Variants in NKX6-2 observed in about 807,000 individuals in gnomAD.
NKX6-2 encodes NK6 homeobox 2, also known as homeobox protein Nkx-6.2.
NKX6-2 carries 22 observed loss-of-function variants against 19.9 expected under a neutral mutation model. The observed-to-expected ratio is 1.10, with a 90% CI of 0.79 to 1.58. NKX6-2 has a LOEUF of 1.58. NKX6-2 is among the 40% of genes most tolerant of loss of function. The pLI, the probability that NKX6-2 is intolerant of heterozygous loss-of-function variation, is 0.00. For synonymous variants in NKX6-2, 257 were observed against 204.0 expected (o/e 1.26, Z -2.21); for missense variants, 475 against 410.6 (o/e 1.16, Z -1.35).
rs1385501855 is a variant in NKX6-2, at chr10:132,785,592, G to A, written c.357C>T (p.Pro119=). 2.4e-6 allele frequency: 3 copies of A among 1,257,498 alleles called. No homozygotes were observed. The highest frequency in any genetic ancestry group is 3.0e-6 in the Non-Finnish European group (3 of 1,005,622). 77.9% of individuals were successfully genotyped at this position (1,257,498 alleles called of 1,614,324 possible). A position where few individuals can be genotyped will look rare whatever the true frequency, so the allele number is the denominator to read the frequency against. ...TCCAGGGCGCGCCCTGCACCACGCC[G>A]GGCCAGAAGATGGGCGGGCGCCCCG... The part of the protein sequence containing the change: ...ELPGRPPIFW[P]GVVQGAPWRD... Residue 119 remains proline (P), a synonymous_variant, in exon 1 of 3, where the codon CCC becomes CCT. Transcript: ENST00000368592. This position sits in a 1 kb window ranked among gnomAD's most constrained non-coding sequence, Gnocchi z 5.5.
rs923316471 is a variant in NKX6-2 at position 132,784,767 on chromosome 10, A to G, written c.*149T>C. 9.0e-6 allele frequency: 6 copies of G among 664,784 alleles called. No homozygotes were observed. The highest frequency in any genetic ancestry group is 5.7e-5 in the East Asian group (2 of 35,144). The allele number at this position is 664,784 out of a possible 1,614,324, so 41.2% of individuals were successfully genotyped here. A position where few individuals can be genotyped will look rare whatever the true frequency, so the allele number is the denominator to read the frequency against. On this transcript the variant is annotated 3_prime_UTR_variant, in exon 3 of 3. Coordinates refer to ENST00000368592, the MANE Select transcript of NKX6-2 (RefSeq NM_177400.3). ...GAGGGGCCGCCTCGCTCCGGGTTCGAGACGGAAGAAACACGCGGCGCAGGC... is the reference window on the plus strand; with the variant it reads ...GAGGGGCCGCCTCGCTCCGGGTTCGGGACGGAAGAAACACGCGGCGCAGGC...
rs1162649778 is a variant in NKX6-2, at chr10:132,783,242, C to T, written c.*1674G>A. 6.6e-6 allele frequency: 1 copy of T among 152,128 alleles called. No homozygotes were observed. The highest frequency in any genetic ancestry group is 2.4e-5 in the African/African-American group (1 of 41,352). 9.4% of individuals were successfully genotyped at this position (152,128 alleles called of 1,614,324 possible). On this transcript the variant is annotated 3_prime_UTR_variant, in exon 3 of 3. Transcript: ENST00000368592. Reference sequence around the variant, plus strand: ...TTTAGAACACTACAGAGTTCCTGGACCGGGTGAAGGCATTAGCTGGGTGTT... The same window carrying T: ...TTTAGAACACTACAGAGTTCCTGGATCGGGTGAAGGCATTAGCTGGGTGTT...
At position 132,785,627 on chromosome 10, in the gene NKX6-2, C is replaced by T. The variant is rs2134706880; in HGVS notation, c.322G>A (p.Ala108Thr). 2 of 1,248,888 alleles carry T rather than the reference C, an allele frequency of 1.6e-6. No individual in the cohort carries two copies. Among genetic ancestry groups the T allele is most frequent in the Middle Eastern group, 3.1e-4 (1 of 3,208 alleles). 77.4% of individuals were successfully genotyped at this position (1,248,888 alleles called of 1,614,324 possible). Residue 108 changes from alanine (A) to threonine (T), a missense_variant, in exon 1 of 3, where the codon GCC (alanine) becomes ACC (threonine). Transcript: ENST00000368592. The surrounding 1 kb of genome is among the most constrained non-coding windows in gnomAD (Gnocchi z 5.5). ...AVARGYPKPL[A>T]ELPGRPPIFW... Reference sequence around the variant, plus strand: ...ATGGGCGGGCGCCCCGGCAGCTCGGCCAGGGGCTTGGGGTAGCCGCGCGCC... The same window carrying T: ...ATGGGCGGGCGCCCCGGCAGCTCGGTCAGGGGCTTGGGGTAGCCGCGCGCC...
Position 132,785,912 on chromosome 10 carries a change from T to C in NKX6-2, c.37A>G (p.Ser13Gly), listed in dbSNP as rs749924638. The C allele has an allele frequency of 7.4e-7, 1 of 1,349,176 alleles. No homozygotes were observed. The highest frequency in any genetic ancestry group is 9.8e-7 in the Non-Finnish European group (1 of 1,022,148). 83.6% of individuals were successfully genotyped at this position (1,349,176 alleles called of 1,614,324 possible). ...TNRPGAFVLS[S>G]APLAALHNMA... ...TTGTGCAGCGCGGCCAGCGGGGCAC[T>C]GCTCAGCACGAACGCGCCCGGGCGG... Residue 13 changes from serine to glycine, a missense_variant, in exon 1 of 3, where the codon AGT (serine) becomes GGT (glycine). Coordinates refer to ENST00000368592, the MANE Select transcript of NKX6-2 (RefSeq NM_177400.3). This position sits in a 1 kb window ranked among gnomAD's most constrained non-coding sequence, Gnocchi z 5.5.
At position 132,785,028 on chromosome 10, in the gene NKX6-2, G is replaced by C. The variant is rs781138890; in HGVS notation, c.722C>G (p.Pro241Arg). Reference protein sequence around the residue: ...DAEDDDEYNRPLDPNSDDEKI... With the variant: ...DAEDDDEYNRRLDPNSDDEKI... ...CTCGTCGTCCGAGTTGGGGTCCAGG[G>C]GCCGGTTGTATTCGTCGTCGTCCTC... Residue 241 changes from proline to arginine, a missense_variant, in exon 3 of 3, where the codon CCC becomes CGC. By Grantham distance (103) the Pro-to-Arg change is moderately radical (BLOSUM62 -2). Transcript: ENST00000368592. This position sits in a 1 kb window ranked among gnomAD's most constrained non-coding sequence, Gnocchi z 5.5. 9 of 1,609,888 alleles carry C rather than the reference G, an allele frequency of 5.6e-6. No homozygotes were observed. In the African/African-American group the frequency reaches 9.4e-5, roughly 17 times the overall value.
Position 132,785,936 on chromosome 10 carries a change from G to C in NKX6-2, c.13C>G (p.Arg5Gly). 7.9e-7 allele frequency: 1 copy of C among 1,262,196 alleles called. No individual in the cohort carries two copies. The allele number at this position is 1,262,196 out of a possible 1,614,324, so 78.2% of individuals were successfully genotyped here. Residue 5 changes from arginine to glycine, a missense_variant, in exon 1 of 3, where the codon CGC becomes GGC. Coordinates refer to ENST00000368592, the MANE Select transcript of NKX6-2 (RefSeq NM_177400.3). This position sits in a 1 kb window ranked among gnomAD's most constrained non-coding sequence, Gnocchi z 5.5. The stretch of plus-strand genomic sequence containing the variant: ...CTGCTCAGCACGAACGCGCCCGGGC[G>C]GTTAGTGTCCATGGGCGCCGCCGCC... MDTN[R>G]PGAFVLSSAP...
In NKX6-2 at chr10:132,783,870, C is replaced by T. The variant is rs371341077; in HGVS notation, c.*1046G>A. The T allele has an allele frequency of 6.6e-6, 1 of 152,264 alleles. No homozygotes were observed. Among genetic ancestry groups the T allele is most frequent in the Non-Finnish European group, 1.5e-5 (1 of 68,042 alleles). 9.4% of individuals were successfully genotyped at this position (152,264 alleles called of 1,614,324 possible). On this transcript the variant is annotated 3_prime_UTR_variant, in exon 3 of 3. Coordinates refer to ENST00000368592, the MANE Select transcript of NKX6-2 (RefSeq NM_177400.3). ...AAAACAAAACGCGCCGAGTTTAAGC[C>T]CTTTCTATTTCCCTTTAACGCTTCC...
Position 132,785,571 on chromosome 10 carries a change from G to A in NKX6-2, c.378C>T (p.Pro126=). The change falls in exon 1 of 3, where the codon CCC becomes CCT. Residue 126 remains proline, a synonymous_variant. Transcript: ENST00000368592. The surrounding 1 kb of genome is among the most constrained non-coding windows in gnomAD (Gnocchi z 5.5). ...IFWPGVVQGA[P]WRDPRLAGPA... ...GGCCAGCCAGACGCGGGTCCCTCCA[G>A]GGCGCGCCCTGCACCACGCCGGGCC... 7.5e-7 allele frequency: 1 copy of A among 1,324,904 alleles called. No individual in the cohort carries two copies. The highest frequency in any genetic ancestry group is 9.6e-7 in the Non-Finnish European group (1 of 1,043,778). 82.1% of individuals were successfully genotyped at this position (1,324,904 alleles called of 1,614,324 possible).
In NKX6-2 at chr10:132,785,488, G is replaced by C. The variant is rs1847252210; in HGVS notation, c.407-36C>G. On this transcript the variant is annotated intron_variant, in intron 1 of 2. Coordinates refer to ENST00000368592, the MANE Select transcript of NKX6-2 (RefSeq NM_177400.3). The surrounding 1 kb of genome is among the most constrained non-coding windows in gnomAD (Gnocchi z 5.5). ...GGGGAAGGGAGGGAGGTCAGCGGCC[G>C]GCGGGGTCCCCCTCCGCGCCCACCC... is the stretch of plus-strand genomic sequence containing the variant. 2.7e-6 allele frequency: 4 copies of C among 1,468,218 alleles called. No homozygotes were observed. The highest frequency in any genetic ancestry group is 3.6e-6 in the Non-Finnish European group (4 of 1,107,810). The allele number at this position is 1,468,218 out of a possible 1,614,324, so 90.9% of individuals were successfully genotyped here. A position where few individuals can be genotyped will look rare whatever the true frequency, so the allele number is the denominator to read the frequency against.
rs372634702 is a variant in NKX6-2, at chr10:132,785,188, G to A, written c.580-18C>T. The A allele has an allele frequency of 1.2e-6, 2 of 1,603,428 alleles. No homozygotes were observed. The highest frequency in any genetic ancestry group is 1.3e-5 in the African/African-American group (1 of 74,526). The stretch of plus-strand genomic sequence containing the variant: ...AACCAGACCTGGGAGTGGACGGGGC[G>A]GTCAGGCGGCCGCGGGGCCCGGGGC... On this transcript the variant is annotated intron_variant, in intron 2 of 2. Transcript: ENST00000368592. This position sits in a 1 kb window ranked among gnomAD's most constrained non-coding sequence, Gnocchi z 5.5.
In NKX6-2 at chr10:132,785,853, G is replaced by T; in HGVS notation, c.96C>A (p.Tyr32Ter). 7.2e-7 allele frequency: 1 copy of T among 1,388,842 alleles called. No individual in the cohort carries two copies. Among genetic ancestry groups the T allele is most frequent in the Non-Finnish European group, 9.5e-7 (1 of 1,056,514 alleles). The allele number at this position is 1,388,842 out of a possible 1,614,324, so 86.0% of individuals were successfully genotyped here. The change falls in exon 1 of 3, where the codon TAC (tyrosine) becomes TAA (stop). Residue 32 changes from tyrosine to a stop codon, truncating the protein, a stop_gained. Transcript: ENST00000368592. LOFTEE classifies it high-confidence loss of function. The surrounding 1 kb of genome is among the most constrained non-coding windows in gnomAD (Gnocchi z 5.5). Reference protein sequence around the residue: ...MAEMKTSLFPYALQGPAGFKA... With the variant: ...MAEMKTSLFP ...TGAAGCCGGCCGGACCCTGCAGCGC[G>T]TAGGGGAACAGCGACGTCTTCATCT...
Position 132,785,903 on chromosome 10 carries a change from G to C in NKX6-2, c.46C>G (p.Leu16Val), listed in dbSNP as rs769203805. ...PGAFVLSSAP[L>V]AALHNMAEMK... Reference sequence around the variant, plus strand: ...TCGGCCATGTTGTGCAGCGCGGCCAGCGGGGCACTGCTCAGCACGAACGCG... The same window carrying C: ...TCGGCCATGTTGTGCAGCGCGGCCACCGGGGCACTGCTCAGCACGAACGCG... The change falls in exon 1 of 3, where the codon CTG (leucine) becomes GTG (valine). Residue 16 changes from leucine (L) to valine (V), a missense_variant. Transcript: ENST00000368592. This position sits in a 1 kb window ranked among gnomAD's most constrained non-coding sequence, Gnocchi z 5.5. 1.5e-6 allele frequency: 2 copies of C among 1,376,092 alleles called. No homozygotes were observed. The highest frequency in any genetic ancestry group is 4.5e-5 in the Admixed American group (2 of 44,452). 85.2% of individuals were successfully genotyped at this position (1,376,092 alleles called of 1,614,324 possible).
rs1043703738 is a variant in NKX6-2, at chr10:132,783,684, G to A, written c.*1232C>T. On this transcript the variant is annotated 3_prime_UTR_variant, in exon 3 of 3. Transcript: ENST00000368592. ...CTTTTGGACTTTCTACTGTAATAAA[G>A]GATTTATCCCTCAACATTTTAAAAC... 3.9e-5 allele frequency: 6 copies of A among 152,158 alleles called. No homozygotes were observed. Among genetic ancestry groups the A allele is most frequent in the African/African-American group, 1.2e-4 (5 of 41,440 alleles). 9.4% of individuals were successfully genotyped at this position (152,158 alleles called of 1,614,324 possible).
rs1847202108 is a variant in NKX6-2, at chr10:132,783,386, T to G, written c.*1530A>C. On this transcript the variant is annotated 3_prime_UTR_variant, in exon 3 of 3. Transcript: ENST00000368592. ...CCGCTGTCCGCGGTTCAACACGGAG[T>G]CCGCCCCGCGGGTTTCAGCTGTTGG... 6.6e-6 allele frequency: 1 copy of G among 152,338 alleles called. No individual in the cohort carries two copies. Among genetic ancestry groups the G allele is most frequent in the Non-Finnish European group, 1.5e-5 (1 of 68,034 alleles). The allele number at this position is 152,338 out of a possible 1,614,324, so 9.4% of individuals were successfully genotyped here. A position where few individuals can be genotyped will look rare whatever the true frequency, so the allele number is the denominator to read the frequency against.
At position 132,784,832 on chromosome 10, in the gene NKX6-2, T is replaced by C. The variant is rs1396634137; in HGVS notation, c.*84A>G. On this transcript the variant is annotated 3_prime_UTR_variant, in exon 3 of 3. Transcript: ENST00000368592. Reference sequence around the variant, plus strand: ...TCCGACGGGGACCCGTTAAATAATTTATTGATGATACAAAGCGACTCGCGC... The same window carrying C: ...TCCGACGGGGACCCGTTAAATAATTCATTGATGATACAAAGCGACTCGCGC... 4.9e-6 allele frequency: 5 copies of C among 1,016,518 alleles called. No homozygotes were observed. Among genetic ancestry groups the C allele is most frequent in the South Asian group, 2.9e-5 (2 of 68,178 alleles). 63.0% of individuals were successfully genotyped at this position (1,016,518 alleles called of 1,614,324 possible). A position where few individuals can be genotyped will look rare whatever the true frequency, so the allele number is the denominator to read the frequency against.
At position 132,783,976 on chromosome 10, in the gene NKX6-2, C is replaced by G. The variant is rs1238345560; in HGVS notation, c.*940G>C. On this transcript the variant is annotated 3_prime_UTR_variant, in exon 3 of 3. Transcript: ENST00000368592. The stretch of plus-strand genomic sequence containing the variant: ...TTTAAAAATTAAAACTCAACAGCCA[C>G]GCCCATTAAGATGCAGCGATGGGCA... The G allele has an allele frequency of 2.0e-5, 3 of 152,272 alleles. No homozygotes were observed. The highest frequency in any genetic ancestry group is 2.1e-4 in the South Asian group (1 of 4,832). The allele number at this position is 152,272 out of a possible 1,614,324, so 9.4% of individuals were successfully genotyped here.
rs993329327 is a variant in NKX6-2, at chr10:132,783,598, T to A, written c.*1318A>T. 4 of 152,280 alleles carry A rather than the reference T, an allele frequency of 2.6e-5. No individual in the cohort carries two copies. Among genetic ancestry groups the A allele is most frequent in the South Asian group, 4.1e-4 (2 of 4,824 alleles). 9.4% of individuals were successfully genotyped at this position (152,280 alleles called of 1,614,324 possible). On this transcript the variant is annotated 3_prime_UTR_variant, in exon 3 of 3. Transcript: ENST00000368592. ...ATCAAGCTCATTAGAAATCCTGGAA[T>A]TTCACTGTATCACACGCTGTCACAA...
In NKX6-2 at chr10:132,784,537, CG is replaced by C. The variant is rs2134705171; in HGVS notation, c.*378del. Reference sequence around the variant, plus strand: ...CCCCCAAGCGCGTCCGAATCCGCCCCGAGGCGAGGCGGGCCGGGCCGTACCT... The same window carrying C: ...CCCCCAAGCGCGTCCGAATCCGCCCCAGGCGAGGCGGGCCGGGCCGTACCT... On this transcript the variant is annotated 3_prime_UTR_variant, in exon 3 of 3. Transcript: ENST00000368592. The C allele has an allele frequency of 5.5e-6, 1 of 183,254 alleles. No homozygotes were observed. The highest frequency in any genetic ancestry group is 1.9e-4 in the South Asian group (1 of 5,286). 11.4% of individuals were successfully genotyped at this position (183,254 alleles called of 1,614,324 possible).
At position 132,785,493 on chromosome 10, in the gene NKX6-2, G is replaced by A. The variant is rs200879159; in HGVS notation, c.407-41C>T. 6.4e-3 allele frequency: 9,311 copies of A among 1,453,806 alleles called. 77 individuals are homozygous for A. The highest frequency in any genetic ancestry group is 0.021 in the South Asian group (1,502 of 71,730). The allele number at this position is 1,453,806 out of a possible 1,614,324, so 90.1% of individuals were successfully genotyped here. A position where few individuals can be genotyped will look rare whatever the true frequency, so the allele number is the denominator to read the frequency against. On this transcript the variant is annotated intron_variant, in intron 1 of 2. Coordinates refer to ENST00000368592, the MANE Select transcript of NKX6-2 (RefSeq NM_177400.3). The surrounding 1 kb of genome is among the most constrained non-coding windows in gnomAD (Gnocchi z 5.5). ...AGGGAGGGAGGTCAGCGGCCGGCGG[G>A]GTCCCCCTCCGCGCCCACCCGCCCC...
Sources: gnomAD v4.1 joint callset for allele counts on GRCh38, gnomAD v4.1.1 for gene constraint, Gnocchi (gnomAD v3.1) non-coding constraint, MANE v1.5 for transcripts, NCBI Gene and HGNC (gene_info 2026-07-23, HGNC 2026-07-21) for gene names.